The following MTSS2 variants were observed in gnomAD, a reference collection of about 807,000 sequenced individuals.
MTSS2 encodes the protein protein MTSS 2.
In MTSS2, 27 loss-of-function variants were observed where a neutral mutation model predicts 67.1. That is an observed-to-expected ratio of 0.40 (90% CI 0.30 to 0.55). The LOEUF is 0.55. Ranked by LOEUF, MTSS2 falls within the 20% of genes least tolerant of loss-of-function variation. The probability of loss-of-function intolerance (pLI) is 0.43; values close to 1 mark genes in which losing one functional copy is unlikely to be tolerated. For synonymous variants in MTSS2, 624 were observed against 468.6 expected, an observed-to-expected ratio of 1.33 and a Z score of -4.28; for missense variants, 1,171 against 1,067.8, an observed-to-expected ratio of 1.10 and a Z score of -1.35.
rs908019585 is a variant in MTSS2 at position 70,674,010 on chromosome 16, G to C, written c.1053+296C>G. On this transcript the variant is annotated intron_variant, in intron 11 of 14. Coordinates refer to ENST00000338779, the MANE Select transcript of MTSS2 (RefSeq NM_138383.3). Reference sequence around the variant, plus strand: ...GTCCAAATATGTCAGTAAATACAAAGGGGCTAAAAATGGCAATTAAAAGAT... The same window carrying C: ...GTCCAAATATGTCAGTAAATACAAACGGGCTAAAAATGGCAATTAAAAGAT... Among the ~76,000 whole-genome samples the C allele has an allele frequency of 1.8e-4, 27 of 152,274 alleles. 1 individual carries two copies. Among genetic ancestry groups the C allele is most frequent in the African/African-American group, 6.3e-4 (26 of 41,558 alleles).
intron 9 of MTSS2, 152 bp from the exon 10 acceptor site, chr16:70,677,130 A>T: frequency 1.6e-6 from 1 of 623,706 alleles, no homozygotes; most frequent in South Asian, 2.1e-5. Context: ...TAATGTGGGG[A>T]GCAGGGAGAC....
chr16:70,677,048 C>G lies in MTSS2; in HGVS notation c.733-70G>C, dbSNP rs575422455. 2.5e-5 allele frequency: 30 copies of G among 1,191,370 alleles called. No individual in the cohort carries two copies. The South Asian group carries it at 3.1e-4, about 12-fold the overall frequency. The allele number at this position is 1,191,370 out of a possible 1,614,324, so 73.8% of individuals were successfully genotyped here. On this transcript the variant is annotated intron_variant, in intron 9 of 14. Coordinates refer to ENST00000338779, the MANE Select transcript of MTSS2 (RefSeq NM_138383.3). ...AGCTAGTAGGGCCAGAGGCCCCCCC[C>G]CACTCTCTAATTGTGAACCACATCC... is the stretch of plus-strand genomic sequence containing the variant.
intron 1 of MTSS2, 83 bp from the exon 2 acceptor site, chr16:70,681,108 A>G: frequency 7.5e-7 from 1 of 1,341,600 alleles, no homozygotes; most frequent in Non-Finnish European, 1.0e-6. Flanking sequence ...TGCATGCTCC[A>G]TCCAGACTTG....
At position 70,664,028 on chromosome 16, in the gene MTSS2, G is replaced by C. The variant is rs777267526; in HGVS notation, c.1893C>G (p.Ala631=). The change falls in exon 15 of 15, where the codon GCC becomes GCG. Residue 631 remains alanine (A), a synonymous_variant. Transcript: ENST00000338779. ...GGCTGAGCCTCTTTGGGGAGGCCTTGGCGAGGTCCGGTGCCAGGGGTGAGG... is the reference window on the plus strand; with the variant it reads ...GGCTGAGCCTCTTTGGGGAGGCCTTCGCGAGGTCCGGTGCCAGGGGTGAGG... The part of the protein sequence containing the change: ...ETASPLAPDL[A]KASPKRLSLP... 3 of 1,607,274 alleles carry C rather than the reference G, an allele frequency of 1.9e-6. No individual in the cohort carries two copies. The South Asian group carries it at 3.3e-5, about 18-fold the overall frequency.
At chr16:70,684,908 A>G (rs889591330) in intron 1 of MTSS2, among the ~76,000 whole-genome samples, 1 of 152,148 alleles carries the variant, frequency 6.6e-6, no homozygotes, top group Non-Finnish European at 1.5e-5. Flanking sequence ...GAAGGGTCCA[A>G]TAGTCTCCTT....
chr16:70,682,587 G>T (rs1012278673), intron 1 of MTSS2, among the ~76,000 whole-genome samples: 11 of 151,942 alleles, frequency 7.2e-5, no homozygotes, highest in Admixed American at 5.9e-4. Flanking sequence ...GCGCAGGGGA[G>T]GCCAGGCCAT....
At chr16:70,677,981 T>G in intron 8 of MTSS2, 82 bp from the exon 9 acceptor site, 1 of 1,204,056 alleles carries the variant, frequency 8.3e-7, no homozygotes, top group South Asian at 1.4e-5. Context: ...GCAGCAGCCC[T>G]TGTCGGGCCT....
chr16:70,664,513 G>T (rs982880039), intron 14 of MTSS2, 64 bp from the exon 15 acceptor site: 12 of 1,564,416 alleles, frequency 7.7e-6, no homozygotes, highest in African/African-American at 1.3e-5. Context: ...GCCCACCAGG[G>T]TGAGCACAGA....
rs2053240580 is a variant in MTSS2 at position 70,679,818 on chromosome 16, G to T, written c.350C>A (p.Ala117Glu). 6.2e-7 allele frequency: 1 copy of T among 1,609,254 alleles called. No individual in the cohort carries two copies. The highest frequency in any genetic ancestry group is 8.5e-7 in the Non-Finnish European group (1 of 1,179,644). ...LQERIEDWKK[A>E]ANQLDKDHAK... ...GTGGTCCTTGTCCAGCTGGTTGGCC[G>T]CCTTCTTCCAGTCCTCGATGCGCTC... Residue 117 changes from alanine (A) to glutamate (E), a missense_variant, in exon 5 of 15, where the codon GCG becomes GAG. Around this residue, in one of 2 missense-constraint regions of MTSS2, gnomAD observed 247 missense variants for 311.8 expected, o/e 0.79. Transcript: ENST00000338779.
At chr16:70,681,483 G>T (rs2053304299) in intron 1 of MTSS2, among the ~76,000 whole-genome samples, 1 of 152,232 alleles carries the variant, frequency 6.6e-6, no homozygotes, top group Non-Finnish European at 1.5e-5. Context: ...AGGGTAGGGG[G>T]TGGCAGGGCT....
Position 70,664,095 on chromosome 16 carries a change from C to A in MTSS2, c.1826G>T (p.Arg609Leu), listed in dbSNP as rs751804474. The change falls in exon 15 of 15, where the codon CGG becomes CTG. Residue 609 changes from arginine to leucine, a missense_variant. This residue lies in a region of MTSS2 where 924 missense variants were observed against 756.0 expected (regional missense o/e 1.22). Coordinates refer to ENST00000338779, the MANE Select transcript of MTSS2 (RefSeq NM_138383.3). ...PDSPGYMGPT[R>L]AGSEECVFYT... ...GAAGACGCACTCCTCACTGCCCGCC[C>A]GTGTGGGCCCCATGTAGCCGGGGGA... 2 of 1,611,786 alleles carry A rather than the reference C, an allele frequency of 1.2e-6. No individual in the cohort carries two copies. Among genetic ancestry groups the A allele is most frequent in the South Asian group, 1.1e-5 (1 of 90,924 alleles).
chr16:70,670,969 CAAAAAA>C (rs1166088540), intron 11 of MTSS2, among the ~76,000 whole-genome samples: 12 of 32,968 alleles, frequency 3.6e-4, no homozygotes, highest in East Asian at 8.8e-4. Flanking sequence ...GACCCTGTCT[CAAAAAA>C]AAAAAAAAAA....
At chr16:70,670,572 A>G (rs12920683) in intron 11 of MTSS2, among the ~76,000 whole-genome samples, 56,987 of 152,170 alleles carry the variant, frequency 0.37, 13,093 homozygotes, top group Non-Finnish European at 0.5. Flanking sequence ...AGCATGATCT[A>G]TATTTCCACC....
chr16:70,680,853 G>A lies in MTSS2; in HGVS notation c.146C>T (p.Ala49Val). ...GAAGGCATCCAGGAAGGCCACAGCA[G>A]CCAGCACGGTGGTCCTGGGGAGAGG... Reference protein sequence around the residue: ...LHSQLRTTVLAAVAFLDAFQK... With the variant: ...LHSQLRTTVLVAVAFLDAFQK... The change falls in exon 3 of 15, where the codon GCT (alanine) becomes GTT (valine). Residue 49 changes from alanine to valine, a missense_variant. Physicochemically the swap from Ala to Val is moderately conservative, Grantham distance 64. This residue lies in a region of MTSS2 where 247 missense variants were observed against 311.8 expected (regional missense o/e 0.79). Coordinates refer to ENST00000338779, the MANE Select transcript of MTSS2 (RefSeq NM_138383.3). 1 of 1,548,278 alleles carries A rather than the reference G, an allele frequency of 6.5e-7. No individual in the cohort carries two copies. The highest frequency in any genetic ancestry group is 8.7e-7 in the Non-Finnish European group (1 of 1,146,462).
At position 70,685,620 on chromosome 16, in the gene MTSS2, A is replaced by T. The variant is rs990441690; in HGVS notation, c.69+103T>A. 5 of 651,746 alleles carry T rather than the reference A, an allele frequency of 7.7e-6. No homozygotes were observed. In the Admixed American group the frequency reaches 2.8e-4, roughly 37 times the overall value. 40.4% of individuals were successfully genotyped at this position (651,746 alleles called of 1,614,324 possible). ...CGCGCTCAGACAAGGACACACAGAC[A>T]CCGCGGCGCGCGGCCACACGAGGCT... is the stretch of plus-strand genomic sequence containing the variant. On this transcript the variant is annotated intron_variant, in intron 1 of 14. Transcript: ENST00000338779.
intron 13 of MTSS2, 41 bp downstream of exon 13, chr16:70,664,879 G>A (rs757924802): frequency 6.6e-7 from 1 of 1,520,464 alleles, no homozygotes; most frequent in African/African-American, 1.4e-5. Flanking sequence ...TGGGCCTCCT[G>A]GGACTGACCT....
rs1395769894 is a variant in MTSS2, at chr16:70,663,663, G to C, written c.*14C>G. 6.4e-7 allele frequency: 1 copy of C among 1,561,426 alleles called. No homozygotes were observed. The highest frequency in any genetic ancestry group is 8.7e-7 in the Non-Finnish European group (1 of 1,154,106). ...CTCGCACTGGGGCCTGAGAGGATGGGGAGGGTGGCGCCATCATAAGATGCG... is the reference window on the plus strand; with the variant it reads ...CTCGCACTGGGGCCTGAGAGGATGGCGAGGGTGGCGCCATCATAAGATGCG... On this transcript the variant is annotated 3_prime_UTR_variant, in exon 15 of 15. Coordinates refer to ENST00000338779, the MANE Select transcript of MTSS2 (RefSeq NM_138383.3).
intron 11 of MTSS2, chr16:70,665,839 A>G: frequency 3.5e-6 from 1 of 288,836 alleles, no homozygotes; most frequent in Non-Finnish European, 6.5e-6. Flanking sequence ...CCGAGGGGAA[A>G]AAGAGATACT....
rs991317991 is a variant in MTSS2, at chr16:70,680,994, G to T, written c.101C>A (p.Ser34Tyr). The change falls in exon 2 of 15, where the codon TCC becomes TAC. Residue 34 changes from serine to tyrosine, a missense_variant. By Grantham distance (144) the Ser-to-Tyr change is moderately radical. Coordinates refer to ENST00000338779, the MANE Select transcript of MTSS2 (RefSeq NM_138383.3). ...CTGGGAATGCAGCTTCGTGGCCTTG[G>T]AGTTGAAGTCCTCCCAGATAGGGTA... ...SSYPIWEDFNSKATKLHSQLR... is the reference protein window; with the variant it reads ...SSYPIWEDFNYKATKLHSQLR... 2 of 1,610,176 alleles carry T rather than the reference G, an allele frequency of 1.2e-6. No individual in the cohort carries two copies. Among genetic ancestry groups the T allele is most frequent in the Non-Finnish European group, 1.7e-6 (2 of 1,178,774 alleles).
Sources: allele counts gnomAD v4.1 joint callset (sites outside exome capture counted in the v4.1 genomes callset), GRCh38; gene constraint gnomAD v4.1.1; regional missense constraint gnomAD v4.1.1; transcripts MANE v1.5; gene names NCBI Gene and HGNC (gene_info 2026-07-23, HGNC 2026-07-21).